Variants in DMTF1 observed in about 807,000 individuals in gnomAD.
DMTF1 encodes cyclin-D-binding Myb-like transcription factor 1.
DMTF1 carries 39 observed loss-of-function variants against 91.1 expected under a neutral mutation model. That is an observed-to-expected ratio of 0.43 (90% CI 0.33 to 0.56). The LOEUF is 0.56. Among genes scored for constraint, DMTF1 ranks in the 20% least tolerant of loss-of-function variants. The pLI, the probability that DMTF1 is intolerant of heterozygous loss-of-function variation, is 0.05. For synonymous variants in DMTF1, 338 were observed against 309.5 expected (o/e 1.09, Z -0.97); for missense variants, 750 against 914.5 (o/e 0.82, Z 2.32).
Position 87,194,738 on chromosome 7 carries a change from A to T in DMTF1, c.2083A>T (p.Thr695Ser). ...EQVDQTIDDETILIVPSPHGF... is the reference protein window; with the variant it reads ...EQVDQTIDDESILIVPSPHGF... ...AGTTGATCAAACAATTGATGATGAA[A>T]CAATACTTATCGTTCCTTCACCACA... is the stretch of plus-strand genomic sequence containing the variant. Residue 695 changes from threonine (T) to serine (S), a missense_variant, in exon 17 of 18, where the codon ACA (threonine) becomes TCA (serine). By Grantham distance (58) the Thr-to-Ser change is moderately conservative. Coordinates refer to ENST00000331242, the MANE Select transcript of DMTF1 (RefSeq NM_001142327.2). 2 of 1,611,614 alleles carry T rather than the reference A, an allele frequency of 1.2e-6. No individual in the cohort carries two copies. The highest frequency in any genetic ancestry group is 1.7e-6 in the Non-Finnish European group (2 of 1,178,314).
chr7:87,172,373 G>A (rs142997974), intron 5 of DMTF1, among the ~76,000 whole-genome samples: 2 of 152,242 alleles, frequency 1.3e-5, no homozygotes. Context: ...ATTCAAAAAC[G>A]CTTTCATAAA....
chr7:87,157,780 G>A, intron 1 of DMTF1, among the ~76,000 whole-genome samples: 1 of 151,272 alleles, frequency 6.6e-6, no homozygotes, highest in Non-Finnish European at 1.5e-5. Flanking sequence ...GGAGCTATAA[G>A]GTTATATTAT....
intron 4 of DMTF1, among the ~76,000 whole-genome samples, chr7:87,168,541 T>C (rs565046357): frequency 6.6e-6 from 1 of 152,328 alleles, no homozygotes; most frequent in South Asian, 2.1e-4. Context: ...TTGTATCCTT[T>C]CTTTCTTTTT....
intron 8 of DMTF1, among the ~76,000 whole-genome samples, chr7:87,180,857 T>C (rs1797195239): frequency 9.2e-6 from 1 of 108,732 alleles, no homozygotes; most frequent in South Asian, 2.8e-4. Flanking sequence ...TATTTTCAAC[T>C]TTTTTTTTTT....
In DMTF1 at chr7:87,162,126, A is replaced by G. The variant is rs535970301; in HGVS notation, c.-131-1369A>G. Reference sequence around the variant, plus strand: ...ATTTTTTGCTTTTCTATTTTTTGAGACAGGTTCTCGCTCTCACCCAGACTG... The same window carrying G: ...ATTTTTTGCTTTTCTATTTTTTGAGGCAGGTTCTCGCTCTCACCCAGACTG... On this transcript the variant is annotated intron_variant, in intron 1 of 17. Coordinates refer to ENST00000331242, the MANE Select transcript of DMTF1 (RefSeq NM_001142327.2). Among the ~76,000 whole-genome samples, 3 of 152,210 alleles carry G rather than the reference A, an allele frequency of 2.0e-5. No individual in the cohort carries two copies. The South Asian group carries it at 6.2e-4, about 32-fold the overall frequency.
At chr7:87,161,531 C>CA (rs1162842565) in intron 1 of DMTF1, among the ~76,000 whole-genome samples, 1 of 151,814 alleles carries the variant, frequency 6.6e-6, no homozygotes, top group Non-Finnish European at 1.5e-5. Context: ...AGCATAAAAA[C>CA]AAAAAAGGTG....
intron 9 of DMTF1, chr7:87,181,941 A>T (rs770624160): frequency 1.3e-5 from 16 of 1,188,756 alleles, no homozygotes; most frequent in Non-Finnish European, 1.8e-5. Flanking sequence ...TGCCTGGGAG[A>T]TTGTGTCAGT....
chr7:87,182,866 G>A (rs1311316665), intron 10 of DMTF1, among the ~76,000 whole-genome samples: 1 of 152,154 alleles, frequency 6.6e-6, no homozygotes, highest in Admixed American at 6.5e-5. Flanking sequence ...CCCCTGGCAA[G>A]ACCACAAATG....
Position 87,171,048 on chromosome 7 carries a change from G to C in DMTF1, c.286G>C (p.Ala96Pro), listed in dbSNP as rs117360089. 0.015 allele frequency: 24,366 copies of C among 1,611,844 alleles called. 283 individuals carry two copies. The highest frequency in any genetic ancestry group is 0.04 in the South Asian group (3,612 of 90,896). The change falls in exon 5 of 18, where the codon GCA becomes CCA. Residue 96 changes from alanine to proline, a missense_variant. Ala to Pro is a conservative substitution (Grantham distance 27). Transcript: ENST00000331242. The stretch of plus-strand genomic sequence containing the variant: ...GACCATGACTGCAACCACAGAAGTA[G>C]CAGATGATGAGGTTACTGAGGGGAC... ...EVTMTATTEV[A>P]DDEVTEGTVT... is the part of the protein sequence containing the mutation.
Position 87,163,584 on chromosome 7 carries a change from G to A in DMTF1, c.-42G>A, listed in dbSNP as rs1313202872. On this transcript the variant is annotated 5_prime_UTR_variant, in exon 2 of 18. Coordinates refer to ENST00000331242, the MANE Select transcript of DMTF1 (RefSeq NM_001142327.2). ...CTAAGGGAAGGCAACTTGATTCTGT[G>A]GGAAGGGCTGTAGCTGATCCATCCG... 6.6e-6 allele frequency: 1 copy of A among 152,194 alleles called. No homozygotes were observed. The highest frequency in any genetic ancestry group is 1.5e-5 in the Non-Finnish European group (1 of 68,040). The allele number at this position is 152,194 out of a possible 1,614,324, so 9.4% of individuals were successfully genotyped here.
chr7:87,172,787 C>T (rs1795377971), intron 5 of DMTF1, among the ~76,000 whole-genome samples: 1 of 152,222 alleles, frequency 6.6e-6, no homozygotes, highest in African/African-American at 2.4e-5. Flanking sequence ...AGGCCAGGGT[C>T]AACTCTGCCG....
In DMTF1 at chr7:87,195,116, CGAA is replaced by C; in HGVS notation, c.2262_2264del (p.Glu754del). 1 of 1,610,804 alleles carries C rather than the reference CGAA, an allele frequency of 6.2e-7. No homozygotes were observed. Among genetic ancestry groups the C allele is most frequent in the Non-Finnish European group, 8.5e-7 (1 of 1,177,880 alleles). On this transcript the variant is annotated inframe_deletion, in exon 18 of 18. Transcript: ENST00000331242. ...CTGTTTCAGAAGATTCAAAGGATGT[CGAA>C]GATTTGGTAAACTGTCATTAGAATA...
At chr7:87,179,427 ATAT>A (rs1796899062) in intron 7 of DMTF1, 115 bp from the exon 8 acceptor site, 1 of 722,512 alleles carries the variant, frequency 1.4e-6, no homozygotes, top group Non-Finnish European at 2.0e-6. Context: ...AATTAGTGAT[ATAT>A]TATTTTTCTA....
chr7:87,172,936 T>C (rs1162019720), intron 5 of DMTF1, among the ~76,000 whole-genome samples: 1 of 152,212 alleles, frequency 6.6e-6, no homozygotes, highest in Non-Finnish European at 1.5e-5. Flanking sequence ...GAAAGGTGCA[T>C]TAATAAGGCT....
At chr7:87,180,411 T>A (rs1403063818) in intron 8 of DMTF1, among the ~76,000 whole-genome samples, 1 of 152,200 alleles carries the variant, frequency 6.6e-6, no homozygotes, top group East Asian at 1.9e-4. Flanking sequence ...TGTTAGCAAT[T>A]CATAAACTTT....
At position 87,180,821 on chromosome 7, in the gene DMTF1, T is replaced by TA. The variant is rs1026428503; in HGVS notation, c.678-479dup. On this transcript the variant is annotated intron_variant, in intron 8 of 17. Transcript: ENST00000331242. ...TTATAACTAAAAAATATTTACTGTT[T>TA]AAAAAAAAATAAAAATAGAAGCATT... Among the ~76,000 whole-genome samples the TA allele has an allele frequency of 3.9e-3, 586 of 148,588 alleles. 4 individuals carry two copies. Among genetic ancestry groups the TA allele is most frequent in the Middle Eastern group, 7.1e-3 (2 of 282 alleles).
intron 3 of DMTF1, among the ~76,000 whole-genome samples, chr7:87,165,379 G>A (rs1283693742): frequency 6.6e-6 from 1 of 152,152 alleles, no homozygotes; most frequent in African/African-American, 2.4e-5. Context: ...GTTAGAAACT[G>A]TGTTAAAAAA....
At chr7:87,180,546 C>T (rs985184486) in intron 8 of DMTF1, among the ~76,000 whole-genome samples, 1 of 152,114 alleles carries the variant, frequency 6.6e-6, no homozygotes, top group Non-Finnish European at 1.5e-5. Context: ...AAGAGTATGT[C>T]AGATGTCCAT....
chr7:87,161,213 C>A (rs184563725), intron 1 of DMTF1, among the ~76,000 whole-genome samples: 1 of 152,036 alleles, frequency 6.6e-6, no homozygotes, highest in Admixed American at 6.5e-5. Flanking sequence ...TTTAGGATGA[C>A]GGGACCAGGC....
Sources: gnomAD v4.1 joint callset for allele counts (sites outside exome capture counted in the v4.1 genomes callset) on GRCh38, gnomAD v4.1.1 for gene constraint, MANE v1.5 for transcripts, NCBI Gene and HGNC (gene_info 2026-07-23, HGNC 2026-07-21) for gene names.